The following MTMR3 variants were observed in gnomAD, a reference collection of about 807,000 sequenced individuals.
MTMR3 encodes the protein phosphatidylinositol-3,5-bisphosphate 3-phosphatase MTMR3.
MTMR3 carries 32 observed loss-of-function variants against 132.4 expected under a neutral mutation model. The observed-to-expected ratio is 0.24, with a 90% CI of 0.18 to 0.32. MTMR3 has a LOEUF of 0.32. Ranked by LOEUF, MTMR3 falls within the 10% of genes least tolerant of loss-of-function variation. MTMR3 has a pLI of 1.00. For synonymous variants in MTMR3, 556 were observed against 550.3 expected (o/e 1.01, Z -0.14); for missense variants, 1,216 against 1,489.6 (o/e 0.82, Z 3.02).
intron 19 of MTMR3, 48 bp from the exon 20 acceptor site, chr22:30,025,582 A>G (rs748128300): frequency 6.2e-7 from 1 of 1,606,298 alleles, no homozygotes; most frequent in Non-Finnish European, 8.5e-7. Context: ...TTCCCTCCGC[A>G]TACCTGCTGG....
chr22:29,965,296 A>G (rs192379393), intron 2 of MTMR3, among the ~76,000 whole-genome samples: 1 of 151,842 alleles, frequency 6.6e-6, no homozygotes, highest in Non-Finnish European at 1.5e-5. Flanking sequence ...TACAGAATCT[A>G]TTTGGTATAG....
intron 4 of MTMR3, 34 bp downstream of exon 4, chr22:29,978,565 T>C (rs2066675558): frequency 6.5e-7 from 1 of 1,526,972 alleles, no homozygotes; most frequent in African/African-American, 1.4e-5. Flanking sequence ...GTAAAATATT[T>C]ATTTAGCATT....
At chr22:29,885,818 CCTT>C (rs1247843726) in intron 1 of MTMR3, among the ~76,000 whole-genome samples, 4 of 152,180 alleles carry the variant, frequency 2.6e-5, no homozygotes, top group Admixed American at 6.5e-5. Flanking sequence ...CACGTTCACA[CCTT>C]CTTCAGTAAA....
At chr22:29,984,079 A>G (rs1291531717) in intron 5 of MTMR3, 1 of 152,136 alleles carries the variant, frequency 6.6e-6, no homozygotes, top group Non-Finnish European at 1.5e-5. Flanking sequence ...TCAGCCTACC[A>G]AAGTGCTGGG....
chr22:29,960,191 A>G (rs751291631), intron 2 of MTMR3, among the ~76,000 whole-genome samples: 4 of 152,218 alleles, frequency 2.6e-5, no homozygotes, highest in African/African-American at 7.2e-5. Flanking sequence ...CTAAAGAGAT[A>G]TAAAAATAGC....
chr22:29,893,608 A>G (rs2064838754), intron 1 of MTMR3, among the ~76,000 whole-genome samples: 1 of 152,152 alleles, frequency 6.6e-6, no homozygotes, highest in African/African-American at 2.4e-5. Context: ...TAGTCTTCCA[A>G]AGAACTAGTA....
At chr22:30,001,092 A>G (rs1451403432) in intron 8 of MTMR3, 1 of 152,122 alleles carries the variant, frequency 6.6e-6, no homozygotes, top group Non-Finnish European at 1.5e-5. Flanking sequence ...ATCTCTACAG[A>G]AAATTTCTTA....
Position 30,019,779 on chromosome 22 carries a change from C to T in MTMR3, c.2120C>T (p.Ala707Val), listed in dbSNP as rs780198299. The T allele has an allele frequency of 1.9e-6, 3 of 1,614,188 alleles. No homozygotes were observed. Among genetic ancestry groups the T allele is most frequent in the Admixed American group, 3.3e-5 (2 of 60,030 alleles). Residue 707 changes from alanine to valine, a missense_variant, in exon 17 of 20, where the codon GCC (alanine) becomes GTC (valine). Ala to Val is a moderately conservative substitution (Grantham distance 64). This residue lies in a region of MTMR3 where 852 missense variants were observed against 852.0 expected (regional missense o/e 1.00). Transcript: ENST00000401950. ...GAGGAGAGTGGAGTAGAGGAACCTG[C>T]CCACAGGGCAGGCATTGAGATACAG... is the stretch of plus-strand genomic sequence containing the variant. Reference protein sequence around the residue: ...TKEESGVEEPAHRAGIEIQEG... With the variant: ...TKEESGVEEPVHRAGIEIQEG...
At chr22:30,011,178 C>T (rs1457693190) in intron 12 of MTMR3, 1 of 152,152 alleles carries the variant, frequency 6.6e-6, no homozygotes, top group African/African-American at 2.4e-5. Flanking sequence ...TTTATTTCTT[C>T]CTCTGACTCA....
chr22:30,000,828 C>T (rs1016414076), intron 8 of MTMR3: 1 of 152,148 alleles, frequency 6.6e-6, no homozygotes, highest in African/African-American at 2.4e-5. Context: ...GTAACCTATA[C>T]TGGAAATTGT....
chr22:29,963,194 C>T (rs2066347901), intron 2 of MTMR3, among the ~76,000 whole-genome samples: 1 of 152,038 alleles, frequency 6.6e-6, no homozygotes, highest in Non-Finnish European at 1.5e-5. Flanking sequence ...TGATCCACCT[C>T]CCTGGACTTC....
At chr22:30,001,731 A>G (rs1192209981) in intron 8 of MTMR3, 1 of 152,246 alleles carries the variant, frequency 6.6e-6, no homozygotes, top group East Asian at 1.9e-4. Context: ...ATTCATGGTT[A>G]GATATTAACC....
chr22:29,911,848 C>T (rs2065219442), intron 1 of MTMR3, among the ~76,000 whole-genome samples: 1 of 152,090 alleles, frequency 6.6e-6, no homozygotes, highest in Admixed American at 6.6e-5. Flanking sequence ...GTATTCCTTT[C>T]CCATTATTTA....
chr22:29,909,167 G>A (rs548324647), intron 1 of MTMR3, among the ~76,000 whole-genome samples: 2 of 151,870 alleles, frequency 1.3e-5, no homozygotes, highest in African/African-American at 4.8e-5. Context: ...TTGCCGTATT[G>A]CCCAGACTAG....
intron 15 of MTMR3, 104 bp from the exon 16 acceptor site, chr22:30,017,823 C>G (rs2067635808): frequency 7.0e-7 from 1 of 1,422,216 alleles, no homozygotes; most frequent in Non-Finnish European, 9.8e-7. Flanking sequence ...TCCTGTCAGC[C>G]CTGTTGGGTA....
chr22:29,998,327 T>A (rs2067102699), intron 7 of MTMR3: 1 of 152,468 alleles, frequency 6.6e-6, no homozygotes, highest in Non-Finnish European at 1.5e-5. Flanking sequence ...TGTTACTTTA[T>A]TATTTATACA....
chr22:29,896,904 T>TAC (rs1315440982), intron 1 of MTMR3, among the ~76,000 whole-genome samples: 27 of 64,626 alleles, frequency 4.2e-4, no homozygotes, highest in African/African-American at 6.9e-4. Context: ...CACACACACA[T>TAC]ACACACACAC....
At position 30,026,062 on chromosome 22, in the gene MTMR3, T is replaced by TC; in HGVS notation, c.*261_*262insC. The TC allele has an allele frequency of 2.6e-6, 1 of 378,904 alleles. No homozygotes were observed. Among genetic ancestry groups the TC allele is most frequent in the Non-Finnish European group, 4.8e-6 (1 of 209,156 alleles). 23.5% of individuals were successfully genotyped at this position (378,904 alleles called of 1,614,324 possible). A position where few individuals can be genotyped will look rare whatever the true frequency, so the allele number is the denominator to read the frequency against. The stretch of plus-strand genomic sequence containing the variant: ...TGGTTGTCTTAATTTTTTTTTTTTT[T>TC]GATGGAAGACCAAGGGTTGCCAGGC... On this transcript the variant is annotated 3_prime_UTR_variant, in exon 20 of 20. Coordinates refer to ENST00000401950, the MANE Select transcript of MTMR3 (RefSeq NM_021090.4).
chr22:29,971,691 T>G (rs1345120043), intron 3 of MTMR3, among the ~76,000 whole-genome samples: 1 of 152,118 alleles, frequency 6.6e-6, no homozygotes, highest in Non-Finnish European at 1.5e-5. Context: ...CACCCCCTCC[T>G]GTATCTTTAA....
Sources: allele counts gnomAD v4.1 joint callset (sites outside exome capture counted in the v4.1 genomes callset), GRCh38; gene constraint gnomAD v4.1.1; regional missense constraint gnomAD v4.1.1; transcripts MANE v1.5; gene names NCBI Gene and HGNC (gene_info 2026-07-23, HGNC 2026-07-21).